KDM4C: variants seen among roughly 807,000 people sequenced by gnomAD.
KDM4C encodes the protein lysine-specific demethylase 4C.
A neutral mutation model predicts 129.3 loss-of-function variants in KDM4C; 81 were observed. The observed-to-expected ratio is 0.63, with a 90% CI of 0.52 to 0.75. The LOEUF (loss-of-function observed/expected upper bound fraction) is 0.75. Ranked by LOEUF, KDM4C falls within the 30% of genes least tolerant of loss-of-function variation. The probability of loss-of-function intolerance (pLI) is 0.00; values close to 1 mark genes in which losing one functional copy is unlikely to be tolerated. For missense variants in KDM4C, 1,457 were observed against 1,304.0 expected (o/e 1.12, Z -1.81); for synonymous variants, 573 against 456.1 (o/e 1.26, Z -3.26).
chr9:6,726,549 C>T (rs1817134696), intron 1 of KDM4C: 1 of 152,400 alleles, frequency 6.6e-6, no homozygotes, highest in Admixed American at 6.6e-5. Flanking sequence ...TTGGAAACAC[C>T]TTCGCCTTCC....
intron 2 of KDM4C, among the ~76,000 whole-genome samples, chr9:6,798,956 C>G (rs1217891785): frequency 2.0e-5 from 3 of 151,860 alleles, no homozygotes; most frequent in East Asian, 1.9e-4. Flanking sequence ...CTCCTCACAT[C>G]CCAGACGATG....
At chr9:7,158,612 C>A (rs1843447899) in intron 19 of KDM4C, among the ~76,000 whole-genome samples, 1 of 152,186 alleles carries the variant, frequency 6.6e-6, no homozygotes, top group Non-Finnish European at 1.5e-5. Context: ...AGTAGTCATT[C>A]AGGAGCAGGT....
intron 1 of KDM4C, among the ~76,000 whole-genome samples, chr9:6,765,689 G>T (rs931846209): frequency 6.6e-6 from 1 of 151,982 alleles, no homozygotes; most frequent in Non-Finnish European, 1.5e-5. Context: ...ACACGCATTG[G>T]GAAATACATC....
intron 8 of KDM4C, among the ~76,000 whole-genome samples, chr9:6,932,321 T>TTA (rs1158814982): frequency 6.6e-6 from 1 of 152,154 alleles, no homozygotes; most frequent in Non-Finnish European, 1.5e-5. Flanking sequence ...GGCACAGGGA[T>TTA]TATTAGTTTC....
At chr9:7,058,117 A>G (rs915631897) in intron 17 of KDM4C, among the ~76,000 whole-genome samples, 4 of 152,184 alleles carry the variant, frequency 2.6e-5, no homozygotes, top group Non-Finnish European at 5.9e-5. Context: ...AATCTCTCAG[A>G]AGGCATTGGG....
Position 6,986,604 on chromosome 9 carries a change from C to T in KDM4C, c.1615C>T (p.Leu539Phe), listed in dbSNP as rs532918573. Residue 539 changes from leucine to phenylalanine, a missense_variant, in exon 11 of 22, where the codon CTT becomes TTT. Leu to Phe is a conservative substitution (Grantham distance 22). Coordinates refer to ENST00000381309, the MANE Select transcript of KDM4C (RefSeq NM_015061.6). ...TGATGTGGAGAGCCATGGGAATGGCCTTGAACCTGGGGAAATCCCAGCGGT... is the reference window on the plus strand; with the variant it reads ...TGATGTGGAGAGCCATGGGAATGGCTTTGAACCTGGGGAAATCCCAGCGGT... ...ESDVESHGNG[L>F]EPGEIPAVPS... The T allele has an allele frequency of 2.9e-5, 47 of 1,613,990 alleles. No homozygotes were observed. Among genetic ancestry groups the T allele is most frequent in the Non-Finnish European group, 3.8e-5 (45 of 1,179,916 alleles).
intron 3 of KDM4C, among the ~76,000 whole-genome samples, chr9:6,813,632 T>C (rs2131133228): frequency 6.6e-6 from 1 of 152,300 alleles, no homozygotes; most frequent in Middle Eastern, 3.4e-3. Context: ...TTTCTTTGCT[T>C]ATTTTCTTCC....
At chr9:7,057,958 G>T (rs898722466) in intron 17 of KDM4C, among the ~76,000 whole-genome samples, 2 of 152,194 alleles carry the variant, frequency 1.3e-5, no homozygotes, top group African/African-American at 2.4e-5. Flanking sequence ...TGCTAAAAAT[G>T]CCATTTCCTT....
At chr9:7,068,358 T>TGG (rs1349308609) in intron 17 of KDM4C, among the ~76,000 whole-genome samples, 9 of 152,354 alleles carry the variant, frequency 5.9e-5, no homozygotes, top group African/African-American at 1.9e-4. Context: ...TTTTCCAGGC[T>TGG]GCATTTCAAA....
At position 6,946,507 on chromosome 9, in the gene KDM4C, C is replaced by T. The variant is rs148304006; in HGVS notation, c.922-34418C>T. On this transcript the variant is annotated intron_variant, in intron 8 of 21. Transcript: ENST00000381309. ...TAAAACATTTCTTTTATTGTCACAA[C>T]TTGGTATTTGTATGCCATGCAGATT... Among the ~76,000 whole-genome samples, 1,219 of 152,188 alleles carry T rather than the reference C, an allele frequency of 8.0e-3. 13 individuals carry two copies. Among genetic ancestry groups the T allele is most frequent in the African/African-American group, 0.027 (1,103 of 41,550 alleles).
chr9:7,172,091 GT>G (rs141952951), intron 21 of KDM4C, among the ~76,000 whole-genome samples: 5,241 of 152,144 alleles, frequency 0.034, 295 homozygotes, highest in African/African-American at 0.12. Context: ...TTTTTTTCCA[GT>G]TGGCAAAACA....
intron 6 of KDM4C, among the ~76,000 whole-genome samples, chr9:6,884,067 C>T (rs1844881899): frequency 6.6e-6 from 1 of 152,144 alleles, no homozygotes; most frequent in African/African-American, 2.4e-5. Flanking sequence ...AAACAAGCCA[C>T]TTGTTTAGGA....
At chr9:6,757,587 C>A, upstream of KDM4C, 2 of 971,932 alleles carry the variant, frequency 2.1e-6, no homozygotes, top group Non-Finnish European at 2.4e-6. Context: ...CTCTCCAGTA[C>A]ATTCCGAGGC....
At chr9:7,130,374 A>T (rs1205953675) in intron 19 of KDM4C, among the ~76,000 whole-genome samples, 1 of 152,210 alleles carries the variant, frequency 6.6e-6, no homozygotes, top group Non-Finnish European at 1.5e-5. Context: ...TTTACATTGG[A>T]AAAGAATGTC....
At chr9:7,088,635 C>G (rs1443000763) in intron 17 of KDM4C, among the ~76,000 whole-genome samples, 1 of 152,114 alleles carries the variant, frequency 6.6e-6, no homozygotes, top group Non-Finnish European at 1.5e-5. Flanking sequence ...TAATGGATTA[C>G]ATTTGCTACA....
At position 6,880,461 on chromosome 9, in the gene KDM4C, A is replaced by C. The variant is rs113535707; in HGVS notation, c.679+400A>C. 9.2e-5 allele frequency among the ~76,000 whole-genome samples: 14 copies of C among 151,920 alleles called. 1 individual carries two copies. The highest frequency in any genetic ancestry group is 3.4e-4 in the African/African-American group (14 of 41,424). Reference sequence around the variant, plus strand: ...CTGCATCTTGGGGTATGGTTTTTTCATGACTACTTTTTCTGTTGATCTGCT... The same window carrying C: ...CTGCATCTTGGGGTATGGTTTTTTCCTGACTACTTTTTCTGTTGATCTGCT... On this transcript the variant is annotated intron_variant, in intron 6 of 21. Coordinates refer to ENST00000381309, the MANE Select transcript of KDM4C (RefSeq NM_015061.6).
rs531296041 is a variant in KDM4C at position 7,093,310 on chromosome 9, C to T, written c.2425-10375C>T. On this transcript the variant is annotated intron_variant, in intron 17 of 21. Coordinates refer to ENST00000381309, the MANE Select transcript of KDM4C (RefSeq NM_015061.6). ...TGCCAGTTCTGAGTCTGAAACAATACGACGAATAAAATAGCTCTAAAGATA... is the reference window on the plus strand; with the variant it reads ...TGCCAGTTCTGAGTCTGAAACAATATGACGAATAAAATAGCTCTAAAGATA... 3.3e-5 allele frequency among the ~76,000 whole-genome samples: 5 copies of T among 152,162 alleles called. 1 individual carries two copies. In the South Asian group the frequency reaches 6.2e-4, roughly 19 times the overall value.
chr9:7,049,849 T>C lies in KDM4C; in HGVS notation c.2424+649T>C, dbSNP rs570356441. On this transcript the variant is annotated intron_variant, in intron 17 of 21. Coordinates refer to ENST00000381309, the MANE Select transcript of KDM4C (RefSeq NM_015061.6). The stretch of plus-strand genomic sequence containing the variant: ...CAATTATGAGCCAGCAGATCCTTAG[T>C]TTAGGCCCTTATATTGCATACCTAA... Among the ~76,000 whole-genome samples the C allele has an allele frequency of 3.9e-5, 6 of 152,230 alleles. No individual in the cohort carries two copies. In the East Asian group the frequency reaches 1.2e-3, roughly 29 times the overall value.
At chr9:6,750,298 G>A (rs10123504) in intron 1 of KDM4C, among the ~76,000 whole-genome samples, 42,219 of 151,614 alleles carry the variant, frequency 0.28, 6,352 homozygotes, top group South Asian at 0.41. Flanking sequence ...AATTATCTGG[G>A]CATGGTGGCA....
Sources: allele counts gnomAD v4.1 joint callset (sites outside exome capture counted in the v4.1 genomes callset), GRCh38; gene constraint gnomAD v4.1.1; transcripts MANE v1.5; gene names NCBI Gene and HGNC (gene_info 2026-07-23, HGNC 2026-07-21).